Variants in SLC25A13 observed in about 807,000 individuals in gnomAD.
The protein encoded by SLC25A13 is solute carrier family 25 member 13.
Under a neutral mutation model 85.5 loss-of-function variants are expected in SLC25A13, and 70 were observed. That is an observed-to-expected ratio of 0.82 (90% CI 0.68 to 1.00). The LOEUF is 1.00. Among genes scored for constraint, SLC25A13 ranks in the 50% least tolerant of loss-of-function variants. The pLI is 0.00. For missense variants in SLC25A13, 765 were observed against 819.8 expected (o/e 0.93, Z 0.82); for synonymous variants, 259 against 288.7 (o/e 0.90, Z 1.04).
At chr7:96,155,466 T>C (rs1793225143) in intron 13 of SLC25A13, among the ~76,000 whole-genome samples, 1 of 152,140 alleles carries the variant, frequency 6.6e-6, no homozygotes, top group South Asian at 2.1e-4. Context: ...GTTCTGCCCT[T>C]TATAGGACCT....
intron 5 of SLC25A13, among the ~76,000 whole-genome samples, chr7:96,194,060 G>A (rs1483252514): frequency 5.9e-5 from 9 of 152,146 alleles, no homozygotes; most frequent in Admixed American, 5.9e-4. Flanking sequence ...CCTGCAGAGA[G>A]CATTTTATTA....
At chr7:96,156,927 C>A (rs1793291109) in intron 13 of SLC25A13, among the ~76,000 whole-genome samples, 1 of 152,118 alleles carries the variant, frequency 6.6e-6, no homozygotes, top group Non-Finnish European at 1.5e-5. Flanking sequence ...AATAATTATA[C>A]TGATGTAGGT....
At chr7:96,268,005 CAT>C (rs1023001954) in intron 3 of SLC25A13, among the ~76,000 whole-genome samples, 4 of 152,188 alleles carry the variant, frequency 2.6e-5, no homozygotes, top group African/African-American at 4.8e-5. Context: ...AGATGAAAGA[CAT>C]ATGTGTGGTA....
Position 96,255,528 on chromosome 7 carries a change from A to T in SLC25A13, c.213-20611T>A, listed in dbSNP as rs1797601028. On this transcript the variant is annotated intron_variant, in intron 3 of 17. Coordinates refer to ENST00000265631, the MANE Select transcript of SLC25A13 (RefSeq NM_014251.3). ...CAGGGAAACCCCATCTTTACAAAAA[A>T]TTTAAAAATTTAGCCAGCCATGGTG... Among the ~76,000 whole-genome samples, 3 of 152,148 alleles carry T rather than the reference A, an allele frequency of 2.0e-5. No individual in the cohort carries two copies. The South Asian group carries it at 6.2e-4, about 32-fold the overall frequency.
chr7:96,177,336 CTATGT>C (rs1167283423), intron 11 of SLC25A13, among the ~76,000 whole-genome samples: 1 of 152,186 alleles, frequency 6.6e-6, no homozygotes, highest in Non-Finnish European at 1.5e-5. Context: ...CACATTTCAA[CTATGT>C]TATTAAGCTG....
At chr7:96,191,708 C>A (rs552614659) in intron 6 of SLC25A13, among the ~76,000 whole-genome samples, 2 of 152,204 alleles carry the variant, frequency 1.3e-5, no homozygotes, top group African/African-American at 4.8e-5. Context: ...ACATTAATAT[C>A]AAGACTTGTC....
At chr7:96,260,300 A>G (rs954865060) in intron 3 of SLC25A13, among the ~76,000 whole-genome samples, 5 of 152,174 alleles carry the variant, frequency 3.3e-5, no homozygotes, top group Admixed American at 2.0e-4. Context: ...AGAAACAAGG[A>G]AGCTACCAAA....
chr7:96,274,667 T>C lies in SLC25A13; in HGVS notation c.212+2529A>G, dbSNP rs1003477984. ...GTCTAACATTTAAGTCTTTAATCCA[T>C]CTTGAATTAATTTTTGTATAAGGTG... On this transcript the variant is annotated intron_variant, in intron 3 of 17. Transcript: ENST00000265631. 1.2e-4 allele frequency among the ~76,000 whole-genome samples: 19 copies of C among 152,334 alleles called. No homozygotes were observed. The East Asian group carries it at 1.3e-3, about 11-fold the overall frequency.
intron 14 of SLC25A13, among the ~76,000 whole-genome samples, chr7:96,136,372 G>C (rs1291174640): frequency 6.6e-6 from 1 of 152,182 alleles, no homozygotes; most frequent in Non-Finnish European, 1.5e-5. Context: ...GAAAGCCCAA[G>C]GAAGCTTTAA....
chr7:96,225,401 C>T (rs1005906266), intron 4 of SLC25A13, among the ~76,000 whole-genome samples: 2 of 152,112 alleles, frequency 1.3e-5, no homozygotes, highest in African/African-American at 2.4e-5. Context: ...ATAAAGTTAG[C>T]TGGACATGGT....
intron 11 of SLC25A13, among the ~76,000 whole-genome samples, chr7:96,173,613 C>T (rs1294828014): frequency 1.3e-5 from 2 of 151,306 alleles, no homozygotes; most frequent in Non-Finnish European, 2.9e-5. Context: ...TAAGCCCTCA[C>T]TATGTTGCCC....
At chr7:96,295,223 G>A (rs1022662597) in intron 2 of SLC25A13, among the ~76,000 whole-genome samples, 1 of 152,078 alleles carries the variant, frequency 6.6e-6, no homozygotes. Flanking sequence ...GGGTGTGGTG[G>A]CACATGCCTG....
chr7:96,272,838 A>G (rs1009252886), intron 3 of SLC25A13, among the ~76,000 whole-genome samples: 14 of 152,368 alleles, frequency 9.2e-5, no homozygotes, highest in Admixed American at 2.0e-4. Flanking sequence ...AGGAGAAATT[A>G]TAGGATTAGA....
intron 11 of SLC25A13, among the ~76,000 whole-genome samples, chr7:96,182,206 A>G (rs1794444531): frequency 6.6e-6 from 1 of 152,220 alleles, no homozygotes; most frequent in Admixed American, 6.5e-5. Context: ...AAAGTTATGT[A>G]TCATTATTAT....
chr7:96,190,565 C>G (rs1017503259), intron 7 of SLC25A13, among the ~76,000 whole-genome samples: 16 of 152,052 alleles, frequency 1.1e-4, no homozygotes, highest in Non-Finnish European at 1.8e-4. Context: ...ATTTAAGAAA[C>G]TTTACATGTT....
chr7:96,168,501 G>A lies in SLC25A13; in HGVS notation c.1311+1544C>T, dbSNP rs1463706885. On this transcript the variant is annotated intron_variant, in intron 13 of 17. Coordinates refer to ENST00000265631, the MANE Select transcript of SLC25A13 (RefSeq NM_014251.3). Reference sequence around the variant, plus strand: ...TGCTTTGTGTTTGAAATGGGCGGCCGCATATGCAAAAACAAGACCACCTAC... The same window carrying A: ...TGCTTTGTGTTTGAAATGGGCGGCCACATATGCAAAAACAAGACCACCTAC... 5.3e-5 allele frequency among the ~76,000 whole-genome samples: 8 copies of A among 152,046 alleles called. No individual in the cohort carries two copies. The East Asian group carries it at 7.7e-4, about 15-fold the overall frequency.
chr7:96,242,915 A>G (rs940768261), intron 3 of SLC25A13, among the ~76,000 whole-genome samples: 5 of 152,166 alleles, frequency 3.3e-5, no homozygotes, highest in Non-Finnish European at 7.4e-5. Flanking sequence ...GTCACAGGCC[A>G]TGGTCACTCA....
At chr7:96,296,769 C>T (rs1799366597) in intron 2 of SLC25A13, 129 bp downstream of exon 2, 6 of 907,006 alleles carry the variant, frequency 6.6e-6, no homozygotes, top group Non-Finnish European at 8.7e-6. Flanking sequence ...GCATGAGCCA[C>T]CGTGCCGGGC....
At chr7:96,197,492 G>A (rs374047730) in intron 5 of SLC25A13, among the ~76,000 whole-genome samples, 1 of 152,152 alleles carries the variant, frequency 6.6e-6, no homozygotes, top group Non-Finnish European at 1.5e-5. Flanking sequence ...GCCAGTGGGA[G>A]CTAACACATA....
Sources: gnomAD v4.1 joint callset for allele counts (sites outside exome capture counted in the v4.1 genomes callset) on GRCh38, gnomAD v4.1.1 for gene constraint, MANE v1.5 for transcripts, NCBI Gene and HGNC (gene_info 2026-07-23, HGNC 2026-07-21) for gene names.